The following NBEA variants were observed in gnomAD, a reference collection of about 807,000 sequenced individuals.
The protein encoded by NBEA is neurobeachin.
A neutral mutation model predicts 343.4 loss-of-function variants in NBEA; 44 were observed. The observed-to-expected ratio is 0.13, with a 90% CI of 0.10 to 0.16. The LOEUF (loss-of-function observed/expected upper bound fraction) is 0.16, where lower values mean the gene tolerates loss of function less well. Ranked by LOEUF, NBEA falls within the 10% of genes least tolerant of loss-of-function variation. NBEA has a pLI of 1.00. For synonymous variants in NBEA, 1,175 were observed against 1,238.7 expected, an observed-to-expected ratio of 0.95 and a Z score of 1.08; for missense variants, 2,555 against 3,631.3, an observed-to-expected ratio of 0.70 and a Z score of 7.62.
chr13:35,239,666 GCA>G (rs1399334690), intron 34 of NBEA, among the ~76,000 whole-genome samples: 1 of 152,014 alleles, frequency 6.6e-6, no homozygotes, highest in Non-Finnish European at 1.5e-5. Context: ...GCATGTACAT[GCA>G]CACATACACG....
rs528055232 is a variant in NBEA at position 35,338,692 on chromosome 13, A to G, written c.5904-10416A>G. Among the ~76,000 whole-genome samples the G allele has an allele frequency of 1.4e-4, 22 of 152,174 alleles. No homozygotes were observed. In the South Asian group the frequency reaches 2.1e-3, roughly 14 times the overall value. ...ACAAACCGGTATCTACCACGCTATT[A>G]AGTAAAGGTTAATAAAACTACAAAT... On this transcript the variant is annotated intron_variant, in intron 36 of 58. Transcript: ENST00000379939.
At chr13:35,342,896 G>T (rs960297014) in intron 36 of NBEA, among the ~76,000 whole-genome samples, 3 of 151,782 alleles carry the variant, frequency 2.0e-5, no homozygotes, top group Non-Finnish European at 2.9e-5. Flanking sequence ...TAAAGTATTG[G>T]GCTAGAATTA....
At chr13:35,282,074 G>A (rs1317528916) in intron 34 of NBEA, among the ~76,000 whole-genome samples, 2 of 151,008 alleles carry the variant, frequency 1.3e-5, no homozygotes, top group Non-Finnish European at 2.9e-5. Flanking sequence ...TACCACGCCC[G>A]GCTAATTTTT....
chr13:35,011,025 A>G (rs181314601), intron 1 of NBEA, among the ~76,000 whole-genome samples: 23 of 151,994 alleles, frequency 1.5e-4, no homozygotes, highest in African/African-American at 4.3e-4. Context: ...TAGCAGGTCA[A>G]AGGTCAGGAA....
chr13:35,008,366 C>G (rs1006504968), intron 1 of NBEA, among the ~76,000 whole-genome samples: 1 of 152,138 alleles, frequency 6.6e-6, no homozygotes, highest in East Asian at 1.9e-4. Context: ...TACATATAAC[C>G]TATGCATATC....
intron 28 of NBEA, among the ~76,000 whole-genome samples, chr13:35,178,279 C>T (rs747948342): frequency 7.3e-5 from 11 of 151,712 alleles, no homozygotes; most frequent in Non-Finnish European, 1.6e-4. Context: ...TCCCAATGAA[C>T]CACTAGAACC....
chr13:35,225,613 C>T (rs1304277222), intron 33 of NBEA, among the ~76,000 whole-genome samples: 5 of 152,132 alleles, frequency 3.3e-5, no homozygotes, highest in Non-Finnish European at 7.4e-5. Context: ...GCAAACGCCC[C>T]TTGTGTCTAT....
chr13:35,374,836 G>A (rs80288309), intron 38 of NBEA, among the ~76,000 whole-genome samples: 16 of 151,672 alleles, frequency 1.1e-4, no homozygotes, highest in East Asian at 7.8e-4. Flanking sequence ...ATTTACTTAC[G>A]GTTTTCCTTT....
intron 53 of NBEA, 105 bp from the exon 54 acceptor site, chr13:35,654,750 T>G: frequency 2.3e-6 from 2 of 881,488 alleles, no homozygotes; most frequent in Non-Finnish European, 3.3e-6. Context: ...TTAAAAAAAC[T>G]ATTTCTGGAT....
intron 10 of NBEA, among the ~76,000 whole-genome samples, chr13:35,073,990 T>C (rs146787086): frequency 1.3e-5 from 2 of 152,266 alleles, no homozygotes; most frequent in Admixed American, 1.3e-4. Flanking sequence ...TTCTAGAGTC[T>C]TCAAAGATGG....
chr13:35,255,780 T>A (rs1200108150), intron 34 of NBEA, among the ~76,000 whole-genome samples: 3 of 151,952 alleles, frequency 2.0e-5, no homozygotes, highest in Admixed American at 2.0e-4. Flanking sequence ...TGAGCGGGGG[T>A]GGGAGGATTG....
At chr13:35,565,663 A>G (rs1324677958) in intron 44 of NBEA, among the ~76,000 whole-genome samples, 1 of 152,174 alleles carries the variant, frequency 6.6e-6, no homozygotes, top group Non-Finnish European at 1.5e-5. Context: ...TTTTCTTAGG[A>G]TCCTGTTTCT....
intron 41 of NBEA, chr13:35,475,098 T>A: frequency 6.2e-7 from 1 of 1,614,128 alleles, no homozygotes; most frequent in Non-Finnish European, 8.5e-7. Flanking sequence ...TCAGGATCTC[T>A]CTTGCCAGTC....
At chr13:35,221,628 A>G (rs1399347820) in intron 33 of NBEA, among the ~76,000 whole-genome samples, 3 of 152,018 alleles carry the variant, frequency 2.0e-5, no homozygotes, top group African/African-American at 7.2e-5. Context: ...AAAAAAATGT[A>G]TTTTTTTCTA....
At chr13:34,981,896 T>C (rs2060367638) in intron 1 of NBEA, among the ~76,000 whole-genome samples, 1 of 152,088 alleles carries the variant, frequency 6.6e-6, no homozygotes, top group Non-Finnish European at 1.5e-5. Flanking sequence ...ATTCTTTTAA[T>C]GTCTGTAGGA....
intron 41 of NBEA, among the ~76,000 whole-genome samples, chr13:35,485,542 G>A (rs138580962): frequency 1.2e-3 from 184 of 152,162 alleles, no homozygotes; most frequent in African/African-American, 4.1e-3. Flanking sequence ...AAAGCTTTTC[G>A]TAAAATATAC....
intron 38 of NBEA, among the ~76,000 whole-genome samples, chr13:35,373,365 A>G (rs963824695): frequency 1.3e-5 from 2 of 152,204 alleles, no homozygotes; most frequent in Admixed American, 6.5e-5. Context: ...TATGTGTTAT[A>G]TACTGTATTC....
rs372364696 is a variant in NBEA, at chr13:35,319,904, C to T, written c.5903+10312C>T. ...TTGAAGTCTGTTTTATCAGGGACTA[C>T]GATTGCAACCTCTGCTTTTTTTTTT... On this transcript the variant is annotated intron_variant, in intron 36 of 58. Transcript: ENST00000379939. Among the ~76,000 whole-genome samples the T allele has an allele frequency of 2.9e-4, 44 of 150,064 alleles. No individual in the cohort carries two copies. In the South Asian group the frequency reaches 5.8e-3, roughly 20 times the overall value.
At chr13:35,052,987 A>G (rs1218483061) in intron 6 of NBEA, among the ~76,000 whole-genome samples, 1 of 151,990 alleles carries the variant, frequency 6.6e-6, no homozygotes, top group Non-Finnish European at 1.5e-5. Flanking sequence ...TTATATGTTA[A>G]CACTTCCTAT....
Sources: allele counts gnomAD v4.1 joint callset (sites outside exome capture counted in the v4.1 genomes callset), GRCh38; gene constraint gnomAD v4.1.1; transcripts MANE v1.5; gene names NCBI Gene and HGNC (gene_info 2026-07-23, HGNC 2026-07-21).